Variants in SHISA9 observed in about 807,000 individuals in gnomAD.
The protein encoded by SHISA9 is protein shisa-9.
SHISA9 carries 13 observed loss-of-function variants against 38.0 expected under a neutral mutation model. The ratio of observed to expected loss-of-function variants is 0.34; its 90% CI spans 0.22 to 0.54. The LOEUF (loss-of-function observed/expected upper bound fraction) is 0.54, where lower values mean the gene tolerates loss of function less well. Among genes scored for constraint, SHISA9 ranks in the 20% least tolerant of loss-of-function variants. The pLI is 0.91. For synonymous variants in SHISA9, 275 were observed against 242.0 expected (o/e 1.14, Z -1.27); for missense variants, 538 against 575.8 (o/e 0.93, Z 0.67).
chr16:13,196,087 C>CAAAAAAA lies in SHISA9; in HGVS notation c.692-7285_692-7279dup, dbSNP rs1172680715. 2.1e-4 allele frequency among the ~76,000 whole-genome samples: 3 copies of CAAAAAAA among 14,144 alleles called. 1 individual carries two copies. Among genetic ancestry groups the CAAAAAAA allele is most frequent in the African/African-American group, 9.8e-4 (3 of 3,058 alleles). 9.3% of individuals were successfully genotyped at this position (14,144 alleles called of 152,430 possible). On this transcript the variant is annotated intron_variant, in intron 2 of 4. Transcript: ENST00000558583. Reference sequence around the variant, plus strand: ...TGGGGGACAGAGCAAGACTCTCTCTCAAAAAAAAAAAAAAAAAAAAAAAAA... The same window carrying CAAAAAAA: ...TGGGGGACAGAGCAAGACTCTCTCTCAAAAAAAAAAAAAAAAAAAAAAAAAAAAAAAA...
the SHISA9 span, among the ~76,000 whole-genome samples, chr16:13,390,706 TC>T: frequency 6.6e-6 from 1 of 152,188 alleles, no homozygotes; most frequent in African/African-American, 2.4e-5. Context: ...CTATTATGAT[TC>T]CCCACATTTG....
the SHISA9 span, among the ~76,000 whole-genome samples, chr16:13,345,477 T>C: frequency 6.6e-6 from 1 of 152,198 alleles, no homozygotes; most frequent in Admixed American, 6.5e-5. Context: ...ATGGTGTACA[T>C]GTGCCACATT....
At chr16:13,379,044 C>T in the SHISA9 span, among the ~76,000 whole-genome samples, 1 of 152,162 alleles carries the variant, frequency 6.6e-6, no homozygotes, top group Non-Finnish European at 1.5e-5. Context: ...CTTCATCACT[C>T]AATTCCCAGT....
the SHISA9 span, among the ~76,000 whole-genome samples, chr16:13,550,211 G>C: frequency 6.6e-6 from 1 of 151,878 alleles, no homozygotes; most frequent in South Asian, 2.1e-4. Flanking sequence ...GAGGGATGAG[G>C]CATTCACATC....
intron 2 of SHISA9, among the ~76,000 whole-genome samples, chr16:13,160,434 T>A (rs1278536867): frequency 6.6e-6 from 1 of 152,240 alleles, no homozygotes; most frequent in Non-Finnish European, 1.5e-5. Context: ...TTGATTAACA[T>A]GAATCCCTCC....
chr16:13,469,135 A>G, the SHISA9 span, among the ~76,000 whole-genome samples: 1 of 151,138 alleles, frequency 6.6e-6, no homozygotes, highest in Admixed American at 6.6e-5. Context: ...CCAGCTATTC[A>G]GGAGGCTGAG....
chr16:13,288,353 A>C, the SHISA9 span, among the ~76,000 whole-genome samples: 1 of 152,102 alleles, frequency 6.6e-6, no homozygotes, highest in South Asian at 2.1e-4. Context: ...GTTCTGGTGA[A>C]GGCCTTCTTC....
the SHISA9 span, among the ~76,000 whole-genome samples, chr16:13,555,799 G>A: frequency 1.3e-5 from 2 of 152,222 alleles, no homozygotes; most frequent in Non-Finnish European, 2.9e-5. Flanking sequence ...AAGTGGAAAG[G>A]TATTTTGTAT....
Position 13,201,952 on chromosome 16 carries a change from G to A in SHISA9, c.692-1442G>A, listed in dbSNP as rs560023005. ...TTTCAAGGCACCACTGGCAACCACC[G>A]CAGTGCATACCTGGATGGACACACA... On this transcript the variant is annotated intron_variant, in intron 2 of 4. Coordinates refer to ENST00000558583, the MANE Select transcript of SHISA9 (RefSeq NM_001145204.3). Among the ~76,000 whole-genome samples, 4 of 109,996 alleles carry A rather than the reference G, an allele frequency of 3.6e-5. 1 individual carries two copies. Among genetic ancestry groups the A allele is most frequent in the Non-Finnish European group, 7.6e-5 (4 of 52,508 alleles). The allele number at this position is 109,996 out of a possible 152,430, so 72.2% of individuals were successfully genotyped here.
At chr16:13,559,365 C>CT in the SHISA9 span, among the ~76,000 whole-genome samples, 1 of 148,706 alleles carries the variant, frequency 6.7e-6, no homozygotes, top group African/African-American at 2.5e-5. Flanking sequence ...TTTTTTTTTT[C>CT]TTTTTTCTGC....
the SHISA9 span, among the ~76,000 whole-genome samples, chr16:13,361,515 A>C: frequency 6.6e-6 from 1 of 152,234 alleles, no homozygotes; most frequent in South Asian, 2.1e-4. Flanking sequence ...TACAGAAATG[A>C]TGCCTTTTAT....
At chr16:13,351,941 G>C in the SHISA9 span, among the ~76,000 whole-genome samples, 7 of 152,322 alleles carry the variant, frequency 4.6e-5, no homozygotes, top group African/African-American at 1.7e-4. Context: ...CTGGAAGACA[G>C]AGGGAGAAAT....
chr16:13,146,807 A>G (rs1233360354), intron 2 of SHISA9, among the ~76,000 whole-genome samples: 5 of 152,198 alleles, frequency 3.3e-5, no homozygotes, highest in African/African-American at 1.2e-4. Context: ...CACCAACTCA[A>G]TGAATGGGAT....
the SHISA9 span, among the ~76,000 whole-genome samples, chr16:13,535,289 G>A: frequency 1.3e-5 from 2 of 152,076 alleles, no homozygotes; most frequent in African/African-American, 4.8e-5. Context: ...CAACTCTCCA[G>A]TTCCTAAGTC....
the SHISA9 span, among the ~76,000 whole-genome samples, chr16:13,370,748 C>G: frequency 1.3e-5 from 2 of 152,048 alleles, no homozygotes; most frequent in Non-Finnish European, 2.9e-5. Context: ...AAACTACCCT[C>G]TATTTGAATG....
chr16:13,034,824 A>C (rs999108189), intron 2 of SHISA9, among the ~76,000 whole-genome samples: 1 of 152,200 alleles, frequency 6.6e-6, no homozygotes, highest in Admixed American at 6.5e-5. Flanking sequence ...AGGAGGAGAG[A>C]CATGTGAAAC....
At chr16:13,486,536 T>C in the SHISA9 span, among the ~76,000 whole-genome samples, 1 of 152,198 alleles carries the variant, frequency 6.6e-6, no homozygotes, top group Admixed American at 6.5e-5. Context: ...CGCCAACACA[T>C]TTTTACTCCA....
At chr16:13,218,546 C>G (rs547706600) in intron 4 of SHISA9, among the ~76,000 whole-genome samples, 20 of 152,318 alleles carry the variant, frequency 1.3e-4, no homozygotes, top group South Asian at 4.1e-4. Flanking sequence ...GGTTTGGTTT[C>G]TTGCTCTGCC....
intron 2 of SHISA9, among the ~76,000 whole-genome samples, chr16:13,051,363 G>A (rs2073249020): frequency 6.6e-6 from 1 of 152,190 alleles, no homozygotes; most frequent in African/African-American, 2.4e-5. Context: ...CCACCCCGAT[G>A]ATGCAATTGT....
Sources: gnomAD v4.1 joint callset for allele counts (sites outside exome capture counted in the v4.1 genomes callset) on GRCh38, gnomAD v4.1.1 for gene constraint, MANE v1.5 for transcripts, NCBI Gene and HGNC (gene_info 2026-07-23, HGNC 2026-07-21) for gene names.